Variants in MUC12 observed in about 807,000 individuals in gnomAD.
MUC12 encodes the protein mucin 12, cell surface associated.
In MUC12, 172 loss-of-function variants were observed where a neutral mutation model predicts 230.8. That is an observed-to-expected ratio of 0.75 (90% CI 0.66 to 0.85). The LOEUF (loss-of-function observed/expected upper bound fraction) is 0.85. Among genes scored for constraint, MUC12 ranks in the 40% least tolerant of loss-of-function variants. MUC12 has a pLI of 0.00. For missense variants in MUC12, 3,506 were observed against 5,920.6 expected (o/e 0.59, Z 13.38); for synonymous variants, 1,259 against 2,401.9 (o/e 0.52, Z 13.91).
At position 100,994,410 on chromosome 7, in the gene MUC12, AC is replaced by A. The variant is rs1793417507; in HGVS notation, c.3848del (p.Thr1283IlefsTer119). On this transcript the variant is annotated frameshift_variant, in exon 2 of 12. Transcript: ENST00000536621. LOFTEE classifies it high-confidence loss of function. ...CAGTCCAAGCTCAACCGAAACAACA[AC>A]TTTACCTGGCAGTCCCACAACACCA... ...RLSPSSTETT[T>X]LPGSPTTPSL... 1 of 819,506 alleles carries A rather than the reference AC, an allele frequency of 1.2e-6. No homozygotes were observed. The highest frequency in any genetic ancestry group is 3.9e-5 in the African/African-American group (1 of 25,892). 50.8% of individuals were successfully genotyped at this position (819,506 alleles called of 1,614,324 possible).
At chr7:101,013,192 C>T (rs1448025812) in intron 8 of MUC12, 50 bp downstream of exon 8, 2 of 1,527,644 alleles carry the variant, frequency 1.3e-6, no homozygotes, top group Non-Finnish European at 1.8e-6. Context: ...TGATAGGGCC[C>T]TCCCCCTCCC....
At position 101,005,217 on chromosome 7, in the gene MUC12, C is replaced by G. The variant is rs962369951; in HGVS notation, c.14654C>G (p.Pro4885Arg). ...CAATCTACACCCTTCCCTGACAGCC[C>G]AGGCTTCACTCACACAGTGTTACCT... ...SQQSTPFPDS[P>R]GFTHTVLPAT... is the part of the protein sequence containing the mutation. The change falls in exon 2 of 12, where the codon CCA becomes CGA. Residue 4885 changes from proline to arginine, a missense_variant. Pro to Arg is a moderately radical substitution (Grantham distance 103). Transcript: ENST00000536621. The G allele has an allele frequency of 8.5e-6, 13 of 1,537,770 alleles. No homozygotes were observed. The highest frequency in any genetic ancestry group is 1.4e-5 in the African/African-American group (1 of 73,030).
chr7:100,989,600 G>A (rs1280542173), intron 1 of MUC12, among the ~76,000 whole-genome samples: 2 of 152,120 alleles, frequency 1.3e-5, no homozygotes, highest in Non-Finnish European at 2.9e-5. Context: ...GGCTAGGGTG[G>A]AAAGAGCAGG....
rs759142419 is a variant in MUC12, at chr7:100,991,583, T to A, written c.1020T>A (p.Thr340=). 1 of 1,536,068 alleles carries A rather than the reference T, an allele frequency of 6.5e-7. No individual in the cohort carries two copies. Among genetic ancestry groups the A allele is most frequent in the Non-Finnish European group, 8.7e-7 (1 of 1,146,128 alleles). ...CAGTCCACAGCAGCCCAGTTGCAAC[T>A]GCAACAACACCCCCACCTGCCCGCT... ...STPVHSSPVA[T]ATTPPPARSA... Residue 340 remains threonine (T), a synonymous_variant, in exon 2 of 12, where the codon ACT becomes ACA. Coordinates refer to ENST00000536621, the MANE Select transcript of MUC12 (RefSeq NM_001164462.2).
Position 100,992,052 on chromosome 7 carries a change from T to G in MUC12, c.1489T>G (p.Tyr497Asp). ...CCTCAGTGAGAAATCTACCACTTTC[T>G]ACAGTAGCCCCAGATCACCAGACAC... ...PGLSEKSTTF[Y>D]SSPRSPDTTH... Residue 497 changes from tyrosine (Y) to aspartate (D), a missense_variant, in exon 2 of 12, where the codon TAC becomes GAC. Tyr to Asp is a radical substitution (Grantham distance 160). Coordinates refer to ENST00000536621, the MANE Select transcript of MUC12 (RefSeq NM_001164462.2). 1.3e-6 allele frequency: 2 copies of G among 1,537,846 alleles called. No homozygotes were observed. The highest frequency in any genetic ancestry group is 1.7e-6 in the Non-Finnish European group (2 of 1,147,048).
At chr7:101,009,773 G>C (rs1031144590) in intron 5 of MUC12, among the ~76,000 whole-genome samples, 5 of 152,206 alleles carry the variant, frequency 3.3e-5, no homozygotes. Flanking sequence ...AGAGGGAATC[G>C]ATGAGAAGAA....
At chr7:100,972,433 C>T (rs1461739412) in intron 1 of MUC12, among the ~76,000 whole-genome samples, 1 of 152,306 alleles carries the variant, frequency 6.6e-6, no homozygotes, top group Non-Finnish European at 1.5e-5. Flanking sequence ...AAATCATCCC[C>T]TGCTCTGGGA....
At position 100,990,681 on chromosome 7, in the gene MUC12, C is replaced by A; in HGVS notation, c.118C>A (p.Pro40Thr). Residue 40 changes from proline (P) to threonine (T), a missense_variant, in exon 2 of 12, where the codon CCC (proline) becomes ACC (threonine). Transcript: ENST00000536621. ...IGGNTTSAST[P>T]SSSDPFTTFS... is the part of the protein sequence containing the mutation. The stretch of plus-strand genomic sequence containing the variant: ...AGGTAATACAACTTCTGCATCCACA[C>A]CCAGTTCAAGCGACCCTTTTACCAC... 1 of 1,537,738 alleles carries A rather than the reference C, an allele frequency of 6.5e-7. No individual in the cohort carries two copies. The highest frequency in any genetic ancestry group is 8.7e-7 in the Non-Finnish European group (1 of 1,146,990).
Position 101,005,244 on chromosome 7 carries a change from C to T in MUC12, c.14681C>T (p.Ala4894Val), listed in dbSNP as rs1793724686. The change falls in exon 2 of 12, where the codon GCC becomes GTC. Residue 4894 changes from alanine to valine, a missense_variant. Transcript: ENST00000536621. ...SPGFTHTVLP[A>V]TLTTTDIGQE... is the part of the protein sequence containing the mutation. ...GGCTTCACTCACACAGTGTTACCTG[C>T]CACCCTCACAACCACAGACATTGGT... is the stretch of plus-strand genomic sequence containing the variant. 4 of 1,537,874 alleles carry T rather than the reference C, an allele frequency of 2.6e-6. No homozygotes were observed. Among genetic ancestry groups the T allele is most frequent in the Non-Finnish European group, 2.6e-6 (3 of 1,147,048 alleles).
Position 101,002,909 on chromosome 7 carries a change from A to C in MUC12, c.12346A>C (p.Thr4116Pro), listed in dbSNP as rs1308591737. ...CCACAGCCGCCCGAGCTCAACTCCA[A>C]CAACACACTTTTCTGCCAGTTCCAC... Reference protein sequence around the residue: ...TYHSRPSSTPTTHFSASSTTL... With the variant: ...TYHSRPSSTPPTHFSASSTTL... Residue 4116 changes from threonine to proline, a missense_variant, in exon 2 of 12, where the codon ACA (threonine) becomes CCA (proline). Transcript: ENST00000536621. 2.4e-6 allele frequency: 3 copies of C among 1,225,586 alleles called. No individual in the cohort carries two copies. The highest frequency in any genetic ancestry group is 2.2e-6 in the Non-Finnish European group (2 of 890,384). The allele number at this position is 1,225,586 out of a possible 1,614,324, so 75.9% of individuals were successfully genotyped here. A position where few individuals can be genotyped will look rare whatever the true frequency, so the allele number is the denominator to read the frequency against.
At chr7:100,979,732 C>T (rs560113750) in intron 1 of MUC12, among the ~76,000 whole-genome samples, 9 of 151,988 alleles carry the variant, frequency 5.9e-5, no homozygotes, top group East Asian at 1.9e-4. Flanking sequence ...GCCAAGATCA[C>T]GCCACTGCGC....
At chr7:100,972,701 T>C (rs1792933100) in intron 1 of MUC12, among the ~76,000 whole-genome samples, 1 of 152,090 alleles carries the variant, frequency 6.6e-6, no homozygotes, top group Non-Finnish European at 1.5e-5. Context: ...GAACAGGGTT[T>C]CACTATGTTG....
Position 101,017,627 on chromosome 7 carries a change from C to G in MUC12, c.15930C>G (p.Phe5310Leu), listed in dbSNP as rs896500142. Residue 5310 changes from phenylalanine (F) to leucine (L), a missense_variant, in exon 11 of 12, where the codon TTC becomes TTG. By Grantham distance (22) the Phe-to-Leu change is conservative. Coordinates refer to ENST00000536621, the MANE Select transcript of MUC12 (RefSeq NM_001164462.2). ...RFGLENAYNN[F>L]RPTLETVDSG... ...GCCTTGAGAACGCCTACAACAACTT[C>G]CGGCCCACCCTGGAGACTGTTGACT... 2.2e-5 allele frequency: 34 copies of G among 1,536,058 alleles called. No individual in the cohort carries two copies. The Admixed American group carries it at 6.5e-4, about 29-fold the overall frequency.
intron 11 of MUC12, among the ~76,000 whole-genome samples, 175 bp downstream of exon 11, chr7:101,017,838 T>C (rs1254596155): frequency 3.4e-5 from 2 of 59,176 alleles, no homozygotes; most frequent in African/African-American, 7.0e-5. Context: ...TTCCTCCCCC[T>C]GGGACCCCTT....
chr7:100,972,658 A>G (rs1224807255), intron 1 of MUC12, among the ~76,000 whole-genome samples: 2 of 152,038 alleles, frequency 1.3e-5, no homozygotes, highest in Non-Finnish European at 2.9e-5. Flanking sequence ...GTGCGCCAAC[A>G]TGCTCAGCTA....
intron 5 of MUC12, among the ~76,000 whole-genome samples, chr7:101,009,557 G>A (rs987245902): frequency 1.3e-5 from 2 of 152,228 alleles, no homozygotes; most frequent in African/African-American, 4.8e-5. Context: ...AACAGGCTGG[G>A]CGTGGTGGTT....
At position 100,995,493 on chromosome 7, in the gene MUC12, A is replaced by G. The variant is rs746315401; in HGVS notation, c.4930A>G (p.Thr1644Ala). The change falls in exon 2 of 12, where the codon ACA becomes GCA. Residue 1644 changes from threonine to alanine, a missense_variant. By Grantham distance (58) the Thr-to-Ala change is moderately conservative. Coordinates refer to ENST00000536621, the MANE Select transcript of MUC12 (RefSeq NM_001164462.2). ...TFHSSPGSTETTLLPDNTTAS... is the reference protein window; with the variant it reads ...TFHSSPGSTEATLLPDNTTAS... Reference sequence around the variant, plus strand: ...CCACAGCAGCCCAGGCTCCACTGAAACAACACTCTTACCTGACAACACCAC... The same window carrying G: ...CCACAGCAGCCCAGGCTCCACTGAAGCAACACTCTTACCTGACAACACCAC... 1.3e-6 allele frequency: 2 copies of G among 1,535,084 alleles called. No individual in the cohort carries two copies.
At chr7:100,970,603 C>T (rs1307960681) in intron 1 of MUC12, among the ~76,000 whole-genome samples, 2 of 152,046 alleles carry the variant, frequency 1.3e-5, no homozygotes, top group African/African-American at 4.8e-5. Flanking sequence ...CTGCCAGTTG[C>T]AGGGTCTCGC....
chr7:101,004,991 C>A lies in MUC12; in HGVS notation c.14428C>A (p.Pro4810Thr). ...KPGSTETTLS[P>T]GSITTSSFAQ... is the part of the protein sequence containing the mutation. ...AGGCTCAACTGAGACAACACTGTCC[C>A]CTGGCAGCATCACAACTTCATCTTT... Residue 4810 changes from proline (P) to threonine (T), a missense_variant, in exon 2 of 12, where the codon CCT (proline) becomes ACT (threonine). Physicochemically the swap from Pro to Thr is conservative, Grantham distance 38. Coordinates refer to ENST00000536621, the MANE Select transcript of MUC12 (RefSeq NM_001164462.2). 1 of 1,537,636 alleles carries A rather than the reference C, an allele frequency of 6.5e-7. No individual in the cohort carries two copies. The highest frequency in any genetic ancestry group is 8.7e-7 in the Non-Finnish European group (1 of 1,147,016).
Sources: allele counts gnomAD v4.1 joint callset (sites outside exome capture counted in the v4.1 genomes callset), GRCh38; gene constraint gnomAD v4.1.1; transcripts MANE v1.5; gene names NCBI Gene and HGNC (gene_info 2026-07-23, HGNC 2026-07-21).